ITFG2: variants seen among roughly 807,000 people sequenced by gnomAD.
ITFG2 encodes the protein KICSTOR complex protein ITFG2.
ITFG2 carries 36 observed loss-of-function variants against 54.4 expected under a neutral mutation model. That is an observed-to-expected ratio of 0.66 (90% CI 0.51 to 0.87). ITFG2 has a LOEUF of 0.87. ITFG2 is among the 40% of genes least tolerant of loss of function. ITFG2 has a pLI of 0.00. For missense variants in ITFG2, 524 were observed against 576.7 expected, an observed-to-expected ratio of 0.91 and a Z score of 0.94; for synonymous variants, 211 against 225.4, an observed-to-expected ratio of 0.94 and a Z score of 0.57.
downstream of ITFG2, chr12:2,828,515 T>G: frequency 1.1e-6 from 1 of 907,824 alleles, no homozygotes. Flanking sequence ...CTCCTAGAAA[T>G]GAGTGGAGAA....
intron 2 of ITFG2, among the ~76,000 whole-genome samples, chr12:2,846,320 G>A (rs924702873): frequency 1.3e-5 from 2 of 152,178 alleles, no homozygotes; most frequent in African/African-American, 4.8e-5. Context: ...CAGAGAGTAG[G>A]CAGCTTGTTT....
At chr12:2,813,695 A>G (rs1321751828) in intron 1 of ITFG2, among the ~76,000 whole-genome samples, 2 of 151,980 alleles carry the variant, frequency 1.3e-5, no homozygotes, top group Non-Finnish European at 2.9e-5. Context: ...GCCCCCTTCT[A>G]CCCTCTGCCC....
chr12:2,828,340 G>T (rs373849249), downstream of ITFG2: 4 of 1,613,962 alleles, frequency 2.5e-6, no homozygotes, highest in Non-Finnish European at 2.5e-6. Context: ...ACCCCAGGCG[G>T]CTGAGACATC....
chr12:2,838,431 C>G (rs2098033563), intron 1 of ITFG2, among the ~76,000 whole-genome samples: 1 of 152,122 alleles, frequency 6.6e-6, no homozygotes, highest in South Asian at 2.1e-4. Flanking sequence ...TGGGCTGTCC[C>G]AGGCTCTCAA....
At position 2,821,602 on chromosome 12, in the gene ITFG2, C is replaced by A; in HGVS notation, c.847+6C>A. 6.2e-7 allele frequency: 1 copy of A among 1,614,126 alleles called. No individual in the cohort carries two copies. ...TGCCCTGTGCACCCTGGATGGTGAG[C>A]AATGCTAGGATGGGGTGTGGGGGCT... On this transcript the variant is annotated splice_donor_region_variant and intron_variant, in intron 8 of 11. Transcript: ENST00000228799.
intron 2 of ITFG2, among the ~76,000 whole-genome samples, chr12:2,850,231 T>G (rs1023266750): frequency 1.3e-5 from 2 of 152,028 alleles, no homozygotes; most frequent in Non-Finnish European, 2.9e-5. Context: ...ATCCCAGCAC[T>G]TTGGGAGGCC....
intron 3 of ITFG2, chr12:2,859,422 TC>T (rs1331933577): frequency 1.2e-6 from 2 of 1,613,988 alleles, no homozygotes; most frequent in Non-Finnish European, 1.7e-6. Flanking sequence ...GGACGAATCC[TC>T]CCAGGAGTGA....
In ITFG2 at chr12:2,845,399, TC is replaced by T. The variant is rs1394956482; in HGVS notation, n.300+4407del. 3.9e-5 allele frequency among the ~76,000 whole-genome samples: 6 copies of T among 152,090 alleles called. No individual in the cohort carries two copies. The highest frequency in any genetic ancestry group is 3.9e-4 in the Admixed American group (6 of 15,270). ...TGGCCCTGTATGGTCCCCCAGGGGT[TC>T]CCAGTCCCCACAGCTTCCCGACTCC... is the stretch of plus-strand genomic sequence containing the variant. On this transcript the variant is annotated intron_variant and non_coding_transcript_variant, in intron 2 of 3. Transcript: ENST00000537710. This position sits in a 1 kb window ranked among gnomAD's most constrained non-coding sequence, Gnocchi z 4.2.
chr12:2,812,960 C>T, intron 1 of ITFG2, 104 bp downstream of exon 1: 1 of 939,400 alleles, frequency 1.1e-6, no homozygotes, highest in Admixed American at 1.8e-5. Context: ...TGAGCATGCG[C>T]GCTGTGGCTA....
intron 2 of ITFG2, among the ~76,000 whole-genome samples, chr12:2,844,549 G>C (rs895889888): frequency 1.3e-5 from 2 of 152,132 alleles, no homozygotes; most frequent in Non-Finnish European, 2.9e-5. Context: ...GCAAGACCCT[G>C]TCTCAAAATA....
At position 2,818,165 on chromosome 12, in the gene ITFG2, C is replaced by T; in HGVS notation, c.294C>T (p.Ala98=). 2 of 1,614,122 alleles carry T rather than the reference C, an allele frequency of 1.2e-6. No individual in the cohort carries two copies. Among genetic ancestry groups the T allele is most frequent in the Non-Finnish European group, 1.7e-6 (2 of 1,180,028 alleles). The stretch of plus-strand genomic sequence containing the variant: ...TTCATTTGTTTGACCTGACACCTGC[C>T]AAGGTGTTGGATGCTTCTGGGCACC... ...GWFHLFDLTP[A]KVLDASGHHE... is the part of the protein sequence containing the mutation. The change falls in exon 4 of 12, where the codon GCC becomes GCT. Residue 98 remains alanine, a synonymous_variant. Transcript: ENST00000228799.
upstream of ITFG2, chr12:2,835,575 A>G (rs1046440831): frequency 6.6e-6 from 1 of 152,364 alleles, no homozygotes; most frequent in African/African-American, 2.4e-5. Context: ...AATGACAGGA[A>G]CAACTCTGAA....
At position 2,823,855 on chromosome 12, in the gene ITFG2, G is replaced by A. The variant is rs1210001951; in HGVS notation, c.1152G>A (p.Val384=). 2 of 1,613,226 alleles carry A rather than the reference G, an allele frequency of 1.2e-6. No individual in the cohort carries two copies. The highest frequency in any genetic ancestry group is 1.7e-5 in the Admixed American group (1 of 59,960). Residue 384 remains valine, a synonymous_variant, in exon 11 of 12, where the codon GTG becomes GTA. Transcript: ENST00000228799. ...FNQKIYVYWE[V]QLERMESTNL... ...AGAAGATCTATGTGTACTGGGAGGT[G>A]CAGCTGGAGCGGATGGAGTCTACCA...
intron 2 of ITFG2, among the ~76,000 whole-genome samples, chr12:2,841,898 T>G (rs1336890506): frequency 6.6e-6 from 1 of 151,006 alleles, no homozygotes; most frequent in Non-Finnish European, 1.5e-5. Context: ...TTTGTCTTTT[T>G]AGTAGTGATG....
In ITFG2 at chr12:2,849,624, A is replaced by G. The variant is rs977680477; in HGVS notation, n.301-8388A>G. 3.1e-5 allele frequency: 42 copies of G among 1,353,832 alleles called. No homozygotes were observed. The African/African-American group carries it at 4.9e-4, about 16-fold the overall frequency. The allele number at this position is 1,353,832 out of a possible 1,614,324, so 83.9% of individuals were successfully genotyped here. Reference sequence around the variant, plus strand: ...GGGAAGGGTGATGCCGCTGTCCACAAGCTAGTTAGCCATCAGGCGGCAGGG... The same window carrying G: ...GGGAAGGGTGATGCCGCTGTCCACAGGCTAGTTAGCCATCAGGCGGCAGGG... On this transcript the variant is annotated intron_variant and non_coding_transcript_variant, in intron 2 of 3. Coordinates refer to the ITFG2 transcript ENST00000537710.
chr12:2,813,127 C>A (rs1340005162), intron 1 of ITFG2, among the ~76,000 whole-genome samples: 3 of 152,238 alleles, frequency 2.0e-5, no homozygotes, highest in Non-Finnish European at 4.4e-5. Context: ...ACCTCTGCCT[C>A]CCGGGCTCGA....
chr12:2,837,469 C>T (rs1202368226), intron 1 of ITFG2, among the ~76,000 whole-genome samples: 1 of 150,892 alleles, frequency 6.6e-6, no homozygotes, highest in African/African-American at 2.4e-5. Context: ...CAGAGAGAGA[C>T]TCCGTCTCAA....
chr12:2,849,241 C>G, intron 2 of ITFG2: 2 of 1,535,812 alleles, frequency 1.3e-6, no homozygotes, highest in Non-Finnish European at 1.7e-6. Flanking sequence ...CTAGAAGTGT[C>G]CAGGTCTTCT....
intron 5 of ITFG2, 102 bp from the exon 6 acceptor site, chr12:2,820,622 G>GGCCCAGGCCC: frequency 1.2e-5 from 5 of 425,532 alleles, no homozygotes; most frequent in Non-Finnish European, 1.8e-5. Context: ...CTGCTGCCCT[G>GGCCCAGGCCC]CCCCTGCCCC....
Sources: gnomAD v4.1 joint callset for allele counts (sites outside exome capture counted in the v4.1 genomes callset) on GRCh38, gnomAD v4.1.1 for gene constraint, Gnocchi (gnomAD v3.1) non-coding constraint, MANE v1.5 for transcripts, NCBI Gene and HGNC (gene_info 2026-07-23, HGNC 2026-07-21) for gene names.